HPF1: variants seen among roughly 807,000 people sequenced by gnomAD.
HPF1 encodes the protein histone PARylation factor 1, also known as UPF0609 protein C4orf27.
In HPF1, 35 loss-of-function variants were observed where a neutral mutation model predicts 38.8. That is an observed-to-expected ratio of 0.90 (90% CI 0.69 to 1.19). The LOEUF (loss-of-function observed/expected upper bound fraction) is 1.19, where lower values mean the gene tolerates loss of function less well. Among genes scored for constraint, HPF1 ranks in the 50% most tolerant of loss-of-function variants. The pLI is 0.00. For missense variants in HPF1, 367 were observed against 405.8 expected, an observed-to-expected ratio of 0.90 and a Z score of 0.82; for synonymous variants, 115 against 139.2, an observed-to-expected ratio of 0.83 and a Z score of 1.22.
chr4:169,736,145 G>A (rs1242345868), intron 6 of HPF1, among the ~76,000 whole-genome samples: 1 of 151,626 alleles, frequency 6.6e-6, no homozygotes, highest in South Asian at 2.1e-4. Flanking sequence ...TTGGGAAGCC[G>A]AGGTGGGTTG....
intron 2 of HPF1, 84 bp from the exon 3 acceptor site, chr4:169,750,809 T>G: frequency 9.4e-7 from 1 of 1,063,430 alleles, no homozygotes; most frequent in Non-Finnish European, 1.3e-6. Flanking sequence ...TTCTAAGCAA[T>G]TGTCTTTAAA....
chr4:169,731,277 A>G (rs1443860840), intron 7 of HPF1, among the ~76,000 whole-genome samples: 1 of 152,220 alleles, frequency 6.6e-6, no homozygotes, highest in Non-Finnish European at 1.5e-5. Flanking sequence ...TGCATTTTTC[A>G]TCTAAGAATT....
At chr4:169,745,703 A>AT (rs1411990072) in intron 4 of HPF1, among the ~76,000 whole-genome samples, 2 of 152,160 alleles carry the variant, frequency 1.3e-5, no homozygotes, top group Non-Finnish European at 2.9e-5. Context: ...GGGTCTTGCT[A>AT]TGTCGTTTAG....
intron 7 of HPF1, among the ~76,000 whole-genome samples, chr4:169,730,507 T>C (rs1290903064): frequency 6.6e-6 from 1 of 152,222 alleles, no homozygotes; most frequent in Non-Finnish European, 1.5e-5. Flanking sequence ...TAGTATAATA[T>C]GGTTTATAGC....
chr4:169,737,857 CAT>C, intron 5 of HPF1, 110 bp from the exon 6 acceptor site: 1 of 719,094 alleles, frequency 1.4e-6, no homozygotes, highest in Non-Finnish European at 2.4e-6. Context: ...CATTTAATCA[CAT>C]TTTATTTCAG....
intron 5 of HPF1, among the ~76,000 whole-genome samples, chr4:169,741,005 G>T (rs1247151376): frequency 6.6e-6 from 1 of 152,144 alleles, no homozygotes; most frequent in East Asian, 1.9e-4. Flanking sequence ...TAACCAGAAA[G>T]GTAAATGGCA....
intron 4 of HPF1, among the ~76,000 whole-genome samples, chr4:169,746,645 AC>A: frequency 6.6e-6 from 1 of 152,042 alleles, no homozygotes; most frequent in Non-Finnish European, 1.5e-5. Context: ...GCCTTGAAAG[AC>A]CTTATTCAGT....
chr4:169,731,100 T>C (rs1335516570), intron 7 of HPF1, among the ~76,000 whole-genome samples: 1 of 152,248 alleles, frequency 6.6e-6, no homozygotes, highest in African/African-American at 2.4e-5. Flanking sequence ...TACAACCAGT[T>C]TGGCCCCAGA....
Position 169,748,823 on chromosome 4 carries a change from G to A in HPF1, c.418C>T (p.Pro140Ser), listed in dbSNP as rs753295716. 5 of 1,497,206 alleles carry A rather than the reference G, an allele frequency of 3.3e-6. No homozygotes were observed. The South Asian group carries it at 3.7e-5, about 11-fold the overall frequency. The allele number at this position is 1,497,206 out of a possible 1,614,324, so 92.7% of individuals were successfully genotyped here. A position where few individuals can be genotyped will look rare whatever the true frequency, so the allele number is the denominator to read the frequency against. ...GCTTCATTTATACCAACATATACAG[G>A]AAATTCATCAGGAGAATCCCTGTGT... ...GYFRDSPDEF[P>S]VYVGINEAKK... The change falls in exon 4 of 8, where the codon CCT (proline) becomes TCT (serine). Residue 140 changes from proline (P) to serine (S), a missense_variant. Coordinates refer to ENST00000393381, the MANE Select transcript of HPF1 (RefSeq NM_017867.3).
intron 4 of HPF1, among the ~76,000 whole-genome samples, chr4:169,742,684 T>C (rs556968938): frequency 2.0e-4 from 30 of 152,048 alleles, no homozygotes; most frequent in Admixed American, 7.9e-4. Flanking sequence ...CCCAGCTACT[T>C]GGGAGGCTGA....
chr4:169,753,133 A>G (rs1202584926), intron 2 of HPF1, among the ~76,000 whole-genome samples: 1 of 143,096 alleles, frequency 7.0e-6, no homozygotes. Flanking sequence ...TCCCAGGTTC[A>G]AGCAATGATC....
intron 4 of HPF1, among the ~76,000 whole-genome samples, chr4:169,742,462 G>GAAAAAAAAGTAGACATC (rs779681691): frequency 2.6e-4 from 40 of 151,744 alleles, no homozygotes; most frequent in South Asian, 1.2e-3. Context: ...TGACCTAACA[G>GAAAAAAAAGTAGACATC]AAAAAAAAGT....
chr4:169,753,619 G>C (rs1734147631), intron 2 of HPF1, 57 bp downstream of exon 2: 3 of 1,449,688 alleles, frequency 2.1e-6, no homozygotes, highest in Admixed American at 1.9e-5. Flanking sequence ...ACACCCAGCT[G>C]GTTTCCTATT....
chr4:169,753,762 A>G lies in HPF1; in HGVS notation c.122T>C (p.Val41Ala), dbSNP rs770456565. 2 of 1,613,522 alleles carry G rather than the reference A, an allele frequency of 1.2e-6. No individual in the cohort carries two copies. The highest frequency in any genetic ancestry group is 1.7e-6 in the Non-Finnish European group (2 of 1,179,554). ...ADVSSDLRKEVENHYKLSLPE... is the reference protein window; with the variant it reads ...ADVSSDLRKEAENHYKLSLPE... ...TAAAGAAAGCTTATAATGATTTTCT[A>G]CTTCTTTTCGAAGGTCACTGGAGAC... is the stretch of plus-strand genomic sequence containing the variant. Residue 41 changes from valine (V) to alanine (A), a missense_variant, in exon 2 of 8, where the codon GTA becomes GCA. By Grantham distance (64) the Val-to-Ala change is moderately conservative. Transcript: ENST00000393381.
At chr4:169,757,727 A>G (rs1321796606) in intron 1 of HPF1, 103 bp downstream of exon 1, 34 of 1,152,720 alleles carry the variant, frequency 2.9e-5, no homozygotes, top group Non-Finnish European at 4.1e-5. Flanking sequence ...CTGGACACAC[A>G]GCAAGCTTAA....
intron 3 of HPF1, 57 bp downstream of exon 3, chr4:169,750,479 T>G: frequency 7.7e-7 from 1 of 1,293,194 alleles, no homozygotes; most frequent in African/African-American, 1.5e-5. Flanking sequence ...GAATAACTAT[T>G]TATCCTCATT....
chr4:169,753,597 G>T (rs567420718), intron 2 of HPF1, 79 bp downstream of exon 2: 52 of 1,225,782 alleles, frequency 4.2e-5, no homozygotes, highest in African/African-American at 6.0e-5. Context: ...GGATTACAGA[G>T]TGTGAGCCAC....
rs1301211408 is a variant in HPF1 at position 169,731,701 on chromosome 4, C to G, written c.909+3G>C. ...GTAGAAGGTGGAGGGTTTTTTTACT[C>G]ACATGTGAGCCATAGCAAAAGAGAT... On this transcript the variant is annotated splice_donor_region_variant and intron_variant, in intron 7 of 7. Transcript: ENST00000393381. 6.6e-7 allele frequency: 1 copy of G among 1,509,792 alleles called. No individual in the cohort carries two copies. The highest frequency in any genetic ancestry group is 8.8e-7 in the Non-Finnish European group (1 of 1,134,600). 93.5% of individuals were successfully genotyped at this position (1,509,792 alleles called of 1,614,324 possible). A position where few individuals can be genotyped will look rare whatever the true frequency, so the allele number is the denominator to read the frequency against.
At chr4:169,745,720 C>G (rs1237472887) in intron 4 of HPF1, among the ~76,000 whole-genome samples, 1 of 152,182 alleles carries the variant, frequency 6.6e-6, no homozygotes, top group Non-Finnish European at 1.5e-5. Context: ...TTAGGATGAA[C>G]TTGAACTCCT....
Sources: gnomAD v4.1 joint callset for allele counts (sites outside exome capture counted in the v4.1 genomes callset) on GRCh38, gnomAD v4.1.1 for gene constraint, MANE v1.5 for transcripts, NCBI Gene and HGNC (gene_info 2026-07-23, HGNC 2026-07-21) for gene names.